The following SUPT3H variants were observed in gnomAD, a reference collection of about 807,000 sequenced individuals.
SUPT3H encodes the protein transcription initiation protein SPT3 homolog.
SUPT3H carries 44 observed loss-of-function variants against 44.3 expected under a neutral mutation model. That is an observed-to-expected ratio of 0.99 (90% CI 0.78 to 1.28). SUPT3H has a LOEUF of 1.28. Ranked by LOEUF, SUPT3H falls within the 50% of genes most tolerant of loss-of-function variation. The probability of loss-of-function intolerance (pLI) is 0.00; values close to 1 mark genes in which losing one functional copy is unlikely to be tolerated. For synonymous variants in SUPT3H, 124 were observed against 125.6 expected (o/e 0.99, Z 0.09); for missense variants, 380 against 387.1 (o/e 0.98, Z 0.15).
At chr6:45,340,650 A>G (rs1198295028) in intron 2 of SUPT3H, among the ~76,000 whole-genome samples, 2 of 152,108 alleles carry the variant, frequency 1.3e-5, no homozygotes. Flanking sequence ...TCAGAAAAAA[A>G]AAGTTTCAAG....
intron 3 of SUPT3H, among the ~76,000 whole-genome samples, chr6:45,027,022 C>T (rs1330718755): frequency 1.6e-5 from 2 of 128,112 alleles, no homozygotes; most frequent in African/African-American, 3.0e-5. Flanking sequence ...CAGGGTCTCA[C>T]TCTGTCATCC....
chr6:45,145,163 A>G (rs567249256), intron 2 of SUPT3H, among the ~76,000 whole-genome samples: 2 of 152,208 alleles, frequency 1.3e-5, no homozygotes, highest in South Asian at 4.1e-4. Context: ...TCTAGAAAAA[A>G]CAATCCTAAA....
chr6:44,983,477 T>C (rs1379550847), intron 6 of SUPT3H, among the ~76,000 whole-genome samples: 1 of 152,138 alleles, frequency 6.6e-6, no homozygotes, highest in Admixed American at 6.5e-5. Context: ...AAGCATATCC[T>C]ATCCCATTAA....
chr6:45,373,620 G>A (rs1226696587), intron 1 of SUPT3H, among the ~76,000 whole-genome samples: 12 of 151,980 alleles, frequency 7.9e-5, no homozygotes, highest in Non-Finnish European at 1.5e-4. Flanking sequence ...GCACGATCTC[G>A]GCTCACTGCA....
intron 3 of SUPT3H, among the ~76,000 whole-genome samples, chr6:45,033,447 C>A (rs1008691606): frequency 2.6e-5 from 4 of 152,008 alleles, no homozygotes; most frequent in African/African-American, 9.7e-5. Context: ...CAGAAGCAAA[C>A]CAAAGCAAGT....
At chr6:45,062,606 A>G (rs1381861977) in intron 3 of SUPT3H, among the ~76,000 whole-genome samples, 1 of 152,154 alleles carries the variant, frequency 6.6e-6, no homozygotes. Flanking sequence ...GGGTGCGCGC[A>G]CCATGCGCAA....
chr6:45,205,247 T>G lies in SUPT3H; in HGVS notation c.102-99241A>C, dbSNP rs1193622209. 3.3e-5 allele frequency among the ~76,000 whole-genome samples: 5 copies of G among 152,212 alleles called. No individual in the cohort carries two copies. In the East Asian group the frequency reaches 9.6e-4, roughly 29 times the overall value. On this transcript the variant is annotated intron_variant, in intron 2 of 10. Coordinates refer to ENST00000371459, the MANE Select transcript of SUPT3H (RefSeq NM_003599.4). ...TTAAGCAGGATATTTTACACTTCTA[T>G]CTACAGATGCAAAGTAGTATGCCCT...
At chr6:45,191,814 C>T (rs1402118352) in intron 2 of SUPT3H, among the ~76,000 whole-genome samples, 1 of 152,116 alleles carries the variant, frequency 6.6e-6, no homozygotes, top group Non-Finnish European at 1.5e-5. Flanking sequence ...TTTATGTCAT[C>T]TCCCTAGCAA....
chr6:44,931,552 T>A (rs1770589041), intron 10 of SUPT3H, among the ~76,000 whole-genome samples: 1 of 152,138 alleles, frequency 6.6e-6, no homozygotes, highest in African/African-American at 2.4e-5. Context: ...TTCAAAAACA[T>A]TCATGCAAAA....
At chr6:45,146,022 T>C (rs901874572) in intron 2 of SUPT3H, among the ~76,000 whole-genome samples, 7 of 152,162 alleles carry the variant, frequency 4.6e-5, no homozygotes, top group Middle Eastern at 6.8e-3. Flanking sequence ...AAATAATAGA[T>C]GTTGGAGTGG....
intron 2 of SUPT3H, among the ~76,000 whole-genome samples, chr6:45,143,511 C>T (rs1805567767): frequency 6.6e-6 from 1 of 151,938 alleles, no homozygotes; most frequent in Non-Finnish European, 1.5e-5. Flanking sequence ...AACTGAATAA[C>T]AGTGACAAAA....
At chr6:45,043,006 G>A (rs1391715907) in intron 3 of SUPT3H, among the ~76,000 whole-genome samples, 2 of 151,836 alleles carry the variant, frequency 1.3e-5, no homozygotes, top group South Asian at 2.1e-4. Context: ...TTTACAAAAC[G>A]GCAGTGTCCT....
intron 2 of SUPT3H, among the ~76,000 whole-genome samples, chr6:45,134,813 C>G (rs1285009): frequency 0.87 from 132,805 of 152,104 alleles, 58,244 homozygotes; most frequent in African/African-American, 0.92. Flanking sequence ...CACTAAGAAG[C>G]CTTCACTAGG....
chr6:45,049,944 C>T (rs951226191), intron 3 of SUPT3H, among the ~76,000 whole-genome samples: 1 of 152,088 alleles, frequency 6.6e-6, no homozygotes, highest in African/African-American at 2.4e-5. Context: ...CACAATAAGA[C>T]TAATTACTTG....
intron 3 of SUPT3H, among the ~76,000 whole-genome samples, chr6:45,096,623 AATG>A (rs1797824075): frequency 6.6e-6 from 1 of 152,298 alleles, no homozygotes; most frequent in African/African-American, 2.4e-5. Context: ...GACAAAAAAA[AATG>A]ATTTAAGTAA....
chr6:45,282,335 GA>G (rs55980178), intron 2 of SUPT3H, among the ~76,000 whole-genome samples: 147,459 of 151,938 alleles, frequency 0.97, 71,581 homozygotes, highest in East Asian at 1. Flanking sequence ...TAAAAACCTT[GA>G]AAAAAAAATT....
chr6:45,015,734 C>T (rs1244935893), intron 4 of SUPT3H, among the ~76,000 whole-genome samples: 1 of 151,878 alleles, frequency 6.6e-6, no homozygotes, highest in Non-Finnish European at 1.5e-5. Flanking sequence ...CTTTTTTCTA[C>T]TTTTAAATTT....
chr6:45,022,096 T>C (rs1457309515), intron 3 of SUPT3H, among the ~76,000 whole-genome samples: 1 of 151,994 alleles, frequency 6.6e-6, no homozygotes, highest in Non-Finnish European at 1.5e-5. Context: ...AGGCAATCAG[T>C]GTTGAGAAGA....
chr6:44,847,958 CTTTTTTTTTT>C (rs969869912), intron 10 of SUPT3H, among the ~76,000 whole-genome samples: 8 of 58,350 alleles, frequency 1.4e-4, no homozygotes, highest in East Asian at 4.0e-4. Flanking sequence ...ATCTCTGTGT[CTTTTTTTTTT>C]TTTTTTTTTT....
Sources: allele counts gnomAD v4.1 joint callset (sites outside exome capture counted in the v4.1 genomes callset), GRCh38; gene constraint gnomAD v4.1.1; transcripts MANE v1.5; gene names NCBI Gene and HGNC (gene_info 2026-07-23, HGNC 2026-07-21).